The following PID1 variants were observed in gnomAD, a reference collection of about 807,000 sequenced individuals.
The protein encoded by PID1 is phosphotyrosine interaction domain containing 1, also known as PTB-containing, cubilin and LRP1-interacting protein.
In PID1, 10 loss-of-function variants were observed where a neutral mutation model predicts 19.1. The ratio of observed to expected loss-of-function variants is 0.52; its 90% CI spans 0.32 to 0.89. The LOEUF is 0.89. Ranked by LOEUF, PID1 falls within the 40% of genes least tolerant of loss-of-function variation. The pLI is 0.03. For missense variants in PID1, 248 were observed against 285.3 expected, an observed-to-expected ratio of 0.87 and a Z score of 0.94; for synonymous variants, 130 against 116.0, an observed-to-expected ratio of 1.12 and a Z score of -0.78.
At chr2:229,204,239 G>A (rs17254588) in intron 1 of PID1, among the ~76,000 whole-genome samples, 2,135 of 152,128 alleles carry the variant, frequency 0.014, 26 homozygotes, top group South Asian at 0.024. Flanking sequence ...TATAGAGAGC[G>A]TGACAAGCAA....
chr2:229,123,753 C>T (rs1695569666), intron 2 of PID1, among the ~76,000 whole-genome samples: 1 of 152,116 alleles, frequency 6.6e-6, no homozygotes, highest in African/African-American at 2.4e-5. Context: ...ATTTGCATCT[C>T]CCTAATGGCT....
chr2:229,093,750 G>T (rs719770), intron 2 of PID1, among the ~76,000 whole-genome samples: 4 of 150,422 alleles, frequency 2.7e-5, no homozygotes, highest in South Asian at 2.1e-4. Flanking sequence ...AATCTAGCAT[G>T]GCTTTATGAT....
chr2:229,187,264 T>G (rs980811449), intron 1 of PID1, among the ~76,000 whole-genome samples: 10 of 152,234 alleles, frequency 6.6e-5, no homozygotes, highest in African/African-American at 2.2e-4. Context: ...TCCTCATTTT[T>G]GGGTATCTTT....
At chr2:229,082,297 G>A (rs1250356274) in intron 2 of PID1, among the ~76,000 whole-genome samples, 1 of 152,172 alleles carries the variant, frequency 6.6e-6, no homozygotes, top group Non-Finnish European at 1.5e-5. Context: ...AAACATGGCT[G>A]TACCATAATT....
intron 1 of PID1, among the ~76,000 whole-genome samples, chr2:229,242,557 C>T (rs1251939927): frequency 6.6e-6 from 1 of 152,090 alleles, no homozygotes; most frequent in Non-Finnish European, 1.5e-5. Context: ...AGCTGTCAAC[C>T]CATTCTGCCT....
intron 1 of PID1, among the ~76,000 whole-genome samples, chr2:229,181,546 G>C (rs534672978): frequency 6.6e-6 from 1 of 152,282 alleles, no homozygotes; most frequent in East Asian, 1.9e-4. Context: ...CATAATACAA[G>C]ATGACAGTGA....
Position 229,086,621 on chromosome 2 carries a change from G to A in PID1, c.178-60513C>T, listed in dbSNP as rs145093443. Among the ~76,000 whole-genome samples the A allele has an allele frequency of 9.2e-5, 14 of 152,132 alleles. No homozygotes were observed. The East Asian group carries it at 1.7e-3, about 19-fold the overall frequency. On this transcript the variant is annotated intron_variant, in intron 2 of 2. Coordinates refer to ENST00000392055, the MANE Select transcript of PID1 (RefSeq NM_001100818.2). ...TTGCTGATGCATCCAAACATTAGGC[G>A]GCTCTTTCATTTTACTTACGTGAAA...
chr2:229,170,215 T>C (rs990912309), intron 1 of PID1, among the ~76,000 whole-genome samples: 11 of 152,154 alleles, frequency 7.2e-5, no homozygotes, highest in African/African-American at 1.7e-4. Context: ...TGTGTGTGTA[T>C]GTGTGTGTGT....
At chr2:229,095,635 T>C (rs564194119) in intron 2 of PID1, among the ~76,000 whole-genome samples, 2 of 152,280 alleles carry the variant, frequency 1.3e-5, no homozygotes, top group Non-Finnish European at 2.9e-5. Flanking sequence ...CAGAAACCAT[T>C]CATACAAAGA....
chr2:229,248,093 T>TTC (rs1259867172), intron 1 of PID1, among the ~76,000 whole-genome samples: 1 of 152,162 alleles, frequency 6.6e-6, no homozygotes, highest in Non-Finnish European at 1.5e-5. Context: ...CAGTATATAT[T>TTC]TCCTAAGAAC....
intron 2 of PID1, among the ~76,000 whole-genome samples, chr2:229,030,941 G>GGC (rs1252056758): frequency 2.6e-5 from 4 of 152,120 alleles, no homozygotes; most frequent in African/African-American, 9.6e-5. Context: ...TTAATGGCCG[G>GGC]GTGCAGTGGC....
chr2:229,030,475 ATTAACT>A, intron 2 of PID1, among the ~76,000 whole-genome samples: 1 of 152,218 alleles, frequency 6.6e-6, no homozygotes, highest in East Asian at 1.9e-4. Flanking sequence ...TACGGAGGAA[ATTAACT>A]TTAGTGCCTG....
At chr2:229,045,268 T>C (rs1693852393) in intron 2 of PID1, among the ~76,000 whole-genome samples, 1 of 152,232 alleles carries the variant, frequency 6.6e-6, no homozygotes, top group Non-Finnish European at 1.5e-5. Flanking sequence ...CAGGCTAGTT[T>C]TATGTGGAGA....
chr2:229,188,913 A>G (rs925500357), intron 1 of PID1, among the ~76,000 whole-genome samples: 15 of 152,310 alleles, frequency 9.8e-5, no homozygotes, highest in Admixed American at 9.1e-4. Flanking sequence ...ATATCTATAT[A>G]AAGTCTGTTT....
At chr2:229,227,818 T>C in intron 1 of PID1, 1 of 316,168 alleles carries the variant, frequency 3.2e-6, no homozygotes, top group Non-Finnish European at 6.4e-6. Context: ...TTTCTTGTCA[T>C]TATCTCCCAA....
chr2:229,080,179 C>T (rs1694641890), intron 2 of PID1, among the ~76,000 whole-genome samples: 1 of 152,164 alleles, frequency 6.6e-6, no homozygotes, highest in Non-Finnish European at 1.5e-5. Flanking sequence ...AATCAACAAA[C>T]AAAAATAAAA....
chr2:229,256,120 A>T (rs752234136), intron 1 of PID1, among the ~76,000 whole-genome samples: 1 of 152,148 alleles, frequency 6.6e-6, no homozygotes, highest in East Asian at 1.9e-4. Context: ...GGTGTCCCCA[A>T]TTCAAGTATC....
intron 1 of PID1, among the ~76,000 whole-genome samples, chr2:229,210,525 C>CAAA (rs1170895327): frequency 0.077 from 1,203 of 15,530 alleles, 142 homozygotes; most frequent in Non-Finnish European, 0.09. Flanking sequence ...AGTTTTGTCT[C>CAAA]AAAAAAAAAA....
At chr2:229,168,634 AATC>A (rs1477706710) in intron 1 of PID1, among the ~76,000 whole-genome samples, 1 of 152,150 alleles carries the variant, frequency 6.6e-6, no homozygotes, top group Non-Finnish European at 1.5e-5. Flanking sequence ...ATTAAATATT[AATC>A]ATCATTATTT....
Sources: allele counts gnomAD v4.1 joint callset (sites outside exome capture counted in the v4.1 genomes callset), GRCh38; gene constraint gnomAD v4.1.1; transcripts MANE v1.5; gene names NCBI Gene and HGNC (gene_info 2026-07-23, HGNC 2026-07-21).